PTPRK: variants seen among roughly 807,000 people sequenced by gnomAD.
The protein encoded by PTPRK is protein tyrosine phosphatase receptor type K.
A neutral mutation model predicts 178.0 loss-of-function variants in PTPRK; 75 were observed. That is an observed-to-expected ratio of 0.42 (90% confidence interval 0.35 to 0.51). The LOEUF (loss-of-function observed/expected upper bound fraction) is 0.51. PTPRK is among the 20% of genes least tolerant of loss of function. PTPRK has a pLI of 0.02. For synonymous variants in PTPRK, 637 were observed against 620.6 expected (o/e 1.03, Z -0.39); for missense variants, 1,441 against 1,797.8 (o/e 0.80, Z 3.59).
intron 6 of PTPRK, among the ~76,000 whole-genome samples, chr6:128,202,022 A>G (rs1806052099): frequency 6.6e-6 from 1 of 152,182 alleles, no homozygotes; most frequent in Non-Finnish European, 1.5e-5. Context: ...GAGTATGGAA[A>G]GTGAAGAAAT....
chr6:128,321,985 T>C (rs752890896), intron 3 of PTPRK, 54 bp downstream of exon 3: 39 of 1,606,646 alleles, frequency 2.4e-5, no homozygotes, highest in Non-Finnish European at 3.2e-5. Context: ...GTATTACACA[T>C]ATAGTGAGAA....
intron 13 of PTPRK, among the ~76,000 whole-genome samples, chr6:128,024,112 C>A (rs1263200759): frequency 6.6e-6 from 1 of 152,158 alleles, no homozygotes; most frequent in African/African-American, 2.4e-5. Context: ...CTTAAATATT[C>A]CAAGTCATCA....
Position 128,266,070 on chromosome 6 carries a change from G to A in PTPRK, c.496-23468C>T, listed in dbSNP as rs561587850. ...TGGACTCCCCATCCTCCAGGACAGTGAGAAATCAATTTCTGTTGTTTATAA... is the reference window on the plus strand; with the variant it reads ...TGGACTCCCCATCCTCCAGGACAGTAAGAAATCAATTTCTGTTGTTTATAA... On this transcript the variant is annotated intron_variant, in intron 3 of 29. Coordinates refer to ENST00000368226, the MANE Select transcript of PTPRK (RefSeq NM_002844.4). 5.0e-4 allele frequency among the ~76,000 whole-genome samples: 76 copies of A among 152,218 alleles called. 1 individual carries two copies. In the South Asian group the frequency reaches 0.016, roughly 32 times the overall value.
chr6:128,468,571 T>A (rs1850201633), intron 1 of PTPRK, among the ~76,000 whole-genome samples: 1 of 152,170 alleles, frequency 6.6e-6, no homozygotes, highest in South Asian at 2.1e-4. Context: ...TAAATTGTCA[T>A]GAGTAGAAAA....
intron 2 of PTPRK, among the ~76,000 whole-genome samples, chr6:128,394,127 C>T (rs1839979198): frequency 6.6e-6 from 1 of 152,164 alleles, no homozygotes; most frequent in African/African-American, 2.4e-5. Context: ...ATAATACATA[C>T]TCTCTTGCAT....
intron 7 of PTPRK, among the ~76,000 whole-genome samples, chr6:128,099,445 T>G (rs1308558580): frequency 6.6e-6 from 1 of 151,984 alleles, no homozygotes; most frequent in East Asian, 1.9e-4. Context: ...ACAATTACAT[T>G]ATAATGATAT....
chr6:128,362,863 C>T (rs866380544), intron 2 of PTPRK, among the ~76,000 whole-genome samples: 3 of 151,948 alleles, frequency 2.0e-5, no homozygotes, highest in Non-Finnish European at 2.9e-5. Flanking sequence ...AAAGAAAGCC[C>T]GGTACAAATA....
chr6:128,517,746 G>C (rs1858300801), intron 1 of PTPRK, among the ~76,000 whole-genome samples: 4 of 152,148 alleles, frequency 2.6e-5, no homozygotes, highest in Non-Finnish European at 5.9e-5. Flanking sequence ...TACTACATTA[G>C]GAACCACATG....
chr6:128,110,085 G>A (rs565838963), intron 7 of PTPRK, among the ~76,000 whole-genome samples: 1 of 151,904 alleles, frequency 6.6e-6, no homozygotes, highest in African/African-American at 2.4e-5. Context: ...TATTTTTTGG[G>A]GCTACTTATT....
chr6:128,498,932 A>G (rs1855137190), intron 1 of PTPRK, among the ~76,000 whole-genome samples: 1 of 152,190 alleles, frequency 6.6e-6, no homozygotes, highest in African/African-American at 2.4e-5. Context: ...AGTCTTGGAT[A>G]TATTTTTATT....
chr6:128,262,073 G>T (rs182294590), intron 3 of PTPRK, among the ~76,000 whole-genome samples: 16 of 152,284 alleles, frequency 1.1e-4, no homozygotes, highest in Admixed American at 6.5e-4. Flanking sequence ...GCTTTATGTG[G>T]ATCAGGCAAT....
chr6:128,063,289 C>G (rs985753404), intron 13 of PTPRK: 3 of 152,110 alleles, frequency 2.0e-5, no homozygotes, highest in Non-Finnish European at 4.4e-5. Flanking sequence ...GGATCTCAAT[C>G]CTCCTATAGT....
chr6:128,372,854 A>G (rs973316196), intron 2 of PTPRK, among the ~76,000 whole-genome samples: 2 of 152,132 alleles, frequency 1.3e-5, no homozygotes, highest in African/African-American at 4.8e-5. Flanking sequence ...TTTTTTCACT[A>G]TAGCCTGCCA....
At chr6:128,228,173 C>G (rs1423114211) in intron 5 of PTPRK, among the ~76,000 whole-genome samples, 1 of 149,738 alleles carries the variant, frequency 6.7e-6, no homozygotes, top group Non-Finnish European at 1.5e-5. Context: ...TTATGAGTAA[C>G]TACAGTAAAG....
rs185006809 is a variant in PTPRK at position 128,463,511 on chromosome 6, C to T, written c.100+56748G>A. Among the ~76,000 whole-genome samples the T allele has an allele frequency of 7.9e-5, 12 of 152,202 alleles. No homozygotes were observed. In the East Asian group the frequency reaches 1.7e-3, roughly 22 times the overall value. ...GCACCTTGATGCCACATCTATCCAACGTTTACCAACCATTCAAGGCCCCCA... is the reference window on the plus strand; with the variant it reads ...GCACCTTGATGCCACATCTATCCAATGTTTACCAACCATTCAAGGCCCCCA... On this transcript the variant is annotated intron_variant, in intron 1 of 29. Transcript: ENST00000368226.
At chr6:128,260,004 A>G (rs923275532) in intron 3 of PTPRK, among the ~76,000 whole-genome samples, 11 of 152,146 alleles carry the variant, frequency 7.2e-5, no homozygotes, top group South Asian at 4.1e-4. Flanking sequence ...ATCTTGGGGG[A>G]GAAATTGAAT....
intron 2 of PTPRK, among the ~76,000 whole-genome samples, chr6:128,325,802 G>A (rs1829472044): frequency 6.6e-6 from 1 of 152,056 alleles, no homozygotes; most frequent in African/African-American, 2.4e-5. Flanking sequence ...CATTTGACGT[G>A]TCAATCCCAT....
At chr6:128,274,267 T>C (rs73596661) in intron 3 of PTPRK, among the ~76,000 whole-genome samples, 5,821 of 152,218 alleles carry the variant, frequency 0.038, 369 homozygotes, top group African/African-American at 0.13. Context: ...ACTGCATTCC[T>C]ACAACACAGA....
At position 128,226,302 on chromosome 6, in the gene PTPRK, C is replaced by T. The variant is rs539034149; in HGVS notation, c.694-7206G>A. On this transcript the variant is annotated intron_variant, in intron 5 of 29. Coordinates refer to ENST00000368226, the MANE Select transcript of PTPRK (RefSeq NM_002844.4). ...GGTATTCATAGCAAATTCTGATAAT[C>T]ACAATATTATGAAGATGATAATCCA... Among the ~76,000 whole-genome samples, 7 of 152,286 alleles carry T rather than the reference C, an allele frequency of 4.6e-5. No individual in the cohort carries two copies. In the East Asian group the frequency reaches 1.2e-3, roughly 25 times the overall value.
Sources: allele counts gnomAD v4.1 joint callset (sites outside exome capture counted in the v4.1 genomes callset), GRCh38; gene constraint gnomAD v4.1.1; transcripts MANE v1.5; gene names NCBI Gene and HGNC (gene_info 2026-07-23, HGNC 2026-07-21).